Variants in FILIP1 observed in about 807,000 individuals in gnomAD.
FILIP1 encodes filamin A interacting protein 1.
A neutral mutation model predicts 102.1 loss-of-function variants in FILIP1; 61 were observed. The observed-to-expected ratio is 0.60, with a 90% CI of 0.49 to 0.74. The LOEUF (loss-of-function observed/expected upper bound fraction) is 0.74, where lower values mean the gene tolerates loss of function less well. FILIP1 is among the 30% of genes least tolerant of loss of function. The pLI is 0.00. For missense variants in FILIP1, 1,314 were observed against 1,441.2 expected (o/e 0.91, Z 1.43); for synonymous variants, 491 against 526.9 (o/e 0.93, Z 0.93).
chr6:75,434,702 T>C (rs1777952334), intron 1 of FILIP1, among the ~76,000 whole-genome samples: 1 of 152,232 alleles, frequency 6.6e-6, no homozygotes, highest in South Asian at 2.1e-4. Context: ...CTGATTGCCC[T>C]GGCCAGAATT....
intron 1 of FILIP1, among the ~76,000 whole-genome samples, chr6:75,431,188 C>T (rs1194483776): frequency 6.6e-6 from 1 of 152,094 alleles, no homozygotes; most frequent in Non-Finnish European, 1.5e-5. Context: ...GGTCAAGGAA[C>T]GTTCTATAGT....
intron 4 of FILIP1, among the ~76,000 whole-genome samples, chr6:75,329,526 C>T (rs751021242): frequency 9.9e-5 from 15 of 152,142 alleles, no homozygotes; most frequent in Admixed American, 2.6e-4. Flanking sequence ...TTTTCTTCAA[C>T]TCTCCCCTTG....
chr6:75,416,145 C>T (rs990992994), intron 1 of FILIP1, among the ~76,000 whole-genome samples: 5 of 152,058 alleles, frequency 3.3e-5, no homozygotes, highest in African/African-American at 1.2e-4. Flanking sequence ...AGTAAATTTC[C>T]TTTATGAACC....
At chr6:75,490,276 T>C (rs1303880724) in intron 1 of FILIP1, among the ~76,000 whole-genome samples, 8 of 152,134 alleles carry the variant, frequency 5.3e-5, no homozygotes, top group African/African-American at 1.7e-4. Context: ...GTAAGTTTCA[T>C]CACTTTGACC....
At chr6:75,444,511 T>TA (rs1778377617) in intron 1 of FILIP1, among the ~76,000 whole-genome samples, 1 of 152,052 alleles carries the variant, frequency 6.6e-6, no homozygotes, top group African/African-American at 2.4e-5. Flanking sequence ...TCATATTGTG[T>TA]AAAATAACTC....
At chr6:75,489,466 A>G (rs971651047) in intron 1 of FILIP1, among the ~76,000 whole-genome samples, 1 of 152,162 alleles carries the variant, frequency 6.6e-6, no homozygotes, top group Non-Finnish European at 1.5e-5. Context: ...AACAAAGATT[A>G]AAGTAAACAA....
At chr6:75,370,569 CTTTT>C (rs61384517) in intron 2 of FILIP1, among the ~76,000 whole-genome samples, 2 of 75,702 alleles carry the variant, frequency 2.6e-5, no homozygotes, top group Admixed American at 1.6e-4. Context: ...GGAGTCTCTT[CTTTT>C]TTTTTTTTTT....
At chr6:75,444,051 T>C (rs1053842155) in intron 1 of FILIP1, among the ~76,000 whole-genome samples, 1 of 152,188 alleles carries the variant, frequency 6.6e-6, no homozygotes, top group Non-Finnish European at 1.5e-5. Context: ...GAGGTAACAA[T>C]AAAGGCAAAT....
chr6:75,311,052 G>A (rs375803796), intron 5 of FILIP1, among the ~76,000 whole-genome samples: 9 of 152,196 alleles, frequency 5.9e-5, no homozygotes, highest in Non-Finnish European at 1.2e-4. Context: ...TAGAAATCAC[G>A]ATTTCTAGTC....
In FILIP1 at chr6:75,319,087, T is replaced by C; in HGVS notation, c.630-3885A>G. 5.4e-6 allele frequency: 4 copies of C among 735,412 alleles called. No homozygotes were observed. The Admixed American group carries it at 7.4e-5, about 14-fold the overall frequency. The allele number at this position is 735,412 out of a possible 1,614,324, so 45.6% of individuals were successfully genotyped here. ...TTCTTCACCTTCTTCCTCCTCTTCATCCTCTTCATCTTCCTCCTCTTCCTT... is the reference window on the plus strand; with the variant it reads ...TTCTTCACCTTCTTCCTCCTCTTCACCCTCTTCATCTTCCTCCTCTTCCTT... On this transcript the variant is annotated intron_variant, in intron 4 of 5. Transcript: ENST00000237172.
At chr6:75,391,589 C>T (rs765633990) in intron 2 of FILIP1, among the ~76,000 whole-genome samples, 12 of 152,142 alleles carry the variant, frequency 7.9e-5, no homozygotes, top group Non-Finnish European at 1.0e-4. Context: ...TAGAAGTAAA[C>T]TGACTGTGCT....
chr6:75,382,469 A>C (rs1775935495), intron 2 of FILIP1, among the ~76,000 whole-genome samples: 1 of 152,192 alleles, frequency 6.6e-6, no homozygotes, highest in South Asian at 2.1e-4. Flanking sequence ...CTTTTCACTG[A>C]CATAATTAAT....
At chr6:75,319,744 T>C (rs1773578846) in intron 4 of FILIP1, 1 of 311,120 alleles carries the variant, frequency 3.2e-6, no homozygotes. Flanking sequence ...GCAGGATAAT[T>C]GTGTGAACCC....
At chr6:75,432,759 G>C (rs897641021) in intron 1 of FILIP1, among the ~76,000 whole-genome samples, 9 of 151,946 alleles carry the variant, frequency 5.9e-5, no homozygotes, top group African/African-American at 2.2e-4. Context: ...GTATACATGT[G>C]CCATGTTGGT....
chr6:75,348,371 A>C (rs866819474), intron 4 of FILIP1, among the ~76,000 whole-genome samples: 2 of 152,240 alleles, frequency 1.3e-5, no homozygotes, highest in African/African-American at 4.8e-5. Context: ...TACAATAAAA[A>C]ATATTTTTGT....
At chr6:75,375,746 A>T (rs1775730145) in intron 2 of FILIP1, among the ~76,000 whole-genome samples, 1 of 152,254 alleles carries the variant, frequency 6.6e-6, no homozygotes, top group African/African-American at 2.4e-5. Flanking sequence ...TACGAGGTTT[A>T]TTTGAATCAC....
chr6:75,432,613 AT>A (rs1483831233), intron 1 of FILIP1, among the ~76,000 whole-genome samples: 1 of 152,226 alleles, frequency 6.6e-6, no homozygotes, highest in Non-Finnish European at 1.5e-5. Flanking sequence ...GCAAGGCCAT[AT>A]AGGTTTCATC....
At chr6:75,334,182 T>G (rs1365200312) in intron 4 of FILIP1, among the ~76,000 whole-genome samples, 1 of 152,198 alleles carries the variant, frequency 6.6e-6, no homozygotes, top group Non-Finnish European at 1.5e-5. Flanking sequence ...AAAGGCTGAC[T>G]GTTAAAAGCC....
intron 1 of FILIP1, among the ~76,000 whole-genome samples, chr6:75,424,760 C>T (rs1021458028): frequency 2.0e-5 from 3 of 152,198 alleles, no homozygotes; most frequent in Non-Finnish European, 4.4e-5. Flanking sequence ...AGTTAACCTC[C>T]ATGGGGTGAA....
Sources: gnomAD v4.1 joint callset for allele counts (sites outside exome capture counted in the v4.1 genomes callset) on GRCh38, gnomAD v4.1.1 for gene constraint, MANE v1.5 for transcripts, NCBI Gene and HGNC (gene_info 2026-07-23, HGNC 2026-07-21) for gene names.